MAP2K5: variants seen among roughly 807,000 people sequenced by gnomAD.
The protein encoded by MAP2K5 is mitogen-activated protein kinase kinase 5.
In MAP2K5, 49 loss-of-function variants were observed where a neutral mutation model predicts 83.1. That is an observed-to-expected ratio of 0.59 (90% CI 0.47 to 0.75). The LOEUF (loss-of-function observed/expected upper bound fraction) is 0.75. Ranked by LOEUF, MAP2K5 falls within the 30% of genes least tolerant of loss-of-function variation. MAP2K5 has a pLI of 0.00. For missense variants in MAP2K5, 457 were observed against 557.5 expected, an observed-to-expected ratio of 0.82 and a Z score of 1.82; for synonymous variants, 202 against 191.8, an observed-to-expected ratio of 1.05 and a Z score of -0.44.
At chr15:67,618,046 T>C (rs4508384) in intron 8 of MAP2K5, among the ~76,000 whole-genome samples, 149,137 of 152,322 alleles carry the variant, frequency 0.98, 73,097 homozygotes, top group Middle Eastern at 1. Context: ...TTCTTTGTAA[T>C]GATGTATCTT....
chr15:67,762,544 A>T (rs570169876), intron 19 of MAP2K5, among the ~76,000 whole-genome samples: 2 of 149,076 alleles, frequency 1.3e-5, no homozygotes, highest in Admixed American at 1.3e-4. Context: ...CTAAGTAAAT[A>T]TAAGTCTTTT....
At chr15:67,723,888 C>A (rs2089028207) in intron 16 of MAP2K5, among the ~76,000 whole-genome samples, 1 of 152,088 alleles carries the variant, frequency 6.6e-6, no homozygotes, top group Middle Eastern at 3.4e-3. Flanking sequence ...TTTCCTTTAA[C>A]TGTTAACCTA....
chr15:67,743,362 G>C (rs1286095975), intron 17 of MAP2K5, among the ~76,000 whole-genome samples: 1 of 152,212 alleles, frequency 6.6e-6, no homozygotes, highest in African/African-American at 2.4e-5. Flanking sequence ...ATAAGAACTT[G>C]AGCAAGGACA....
At chr15:67,596,062 A>T (rs546497542) in intron 7 of MAP2K5, among the ~76,000 whole-genome samples, 1 of 151,958 alleles carries the variant, frequency 6.6e-6, no homozygotes, top group South Asian at 2.1e-4. Flanking sequence ...ATCTACTCAG[A>T]TCAGATCTAG....
intron 9 of MAP2K5, chr15:67,641,647 A>C: frequency 7.1e-6 from 7 of 986,782 alleles, no homozygotes; most frequent in Non-Finnish European, 8.5e-6. Context: ...AGAGCAGTGG[A>C]AATGCACCAA....
At chr15:67,704,232 C>T (rs1423935857) in intron 16 of MAP2K5, among the ~76,000 whole-genome samples, 1 of 152,132 alleles carries the variant, frequency 6.6e-6, no homozygotes, top group Non-Finnish European at 1.5e-5. Flanking sequence ...TAAATTGATT[C>T]AGATAAAGAA....
chr15:67,601,675 T>C (rs1052998232), intron 8 of MAP2K5, among the ~76,000 whole-genome samples: 1 of 152,256 alleles, frequency 6.6e-6, no homozygotes, highest in African/African-American at 2.4e-5. Flanking sequence ...CTTAGAATTT[T>C]AAGTTCTGAC....
intron 7 of MAP2K5, among the ~76,000 whole-genome samples, chr15:67,594,542 T>C (rs1385515673): frequency 6.6e-6 from 1 of 152,178 alleles, no homozygotes; most frequent in Admixed American, 6.5e-5. Flanking sequence ...AACAGTTTTT[T>C]CCACTGCAAA....
chr15:67,781,799 T>C lies in MAP2K5; in HGVS notation c.1242+9047T>C, dbSNP rs375148824. Among the ~76,000 whole-genome samples, 119 of 152,358 alleles carry C rather than the reference T, an allele frequency of 7.8e-4. 1 individual carries two copies. The highest frequency in any genetic ancestry group is 6.8e-3 in the Middle Eastern group (2 of 294). On this transcript the variant is annotated intron_variant, in intron 21 of 21. Coordinates refer to ENST00000178640, the MANE Select transcript of MAP2K5 (RefSeq NM_145160.3). This position sits in a 1 kb window ranked among gnomAD's most constrained non-coding sequence, Gnocchi z 4.0. Reference sequence around the variant, plus strand: ...TTAGCTTCCTCAGAAGGCTTCTGAATGGCCTGCATCTCTTTCTAAATTTGA... The same window carrying C: ...TTAGCTTCCTCAGAAGGCTTCTGAACGGCCTGCATCTCTTTCTAAATTTGA...
chr15:67,592,948 C>T lies in MAP2K5; in HGVS notation c.454C>T (p.Leu152=). ...CAGCTTAAAGAAGTCTTCTGCTGAA[C>T]TGAAAAAAATACTAGCCAATGGCCA... ...SNSLKKSSAE[L]KKILANGQMN... The change falls in exon 7 of 22, where the codon CTG becomes TTG. Residue 152 remains leucine (L), a synonymous_variant. Transcript: ENST00000178640. 1 of 1,607,348 alleles carries T rather than the reference C, an allele frequency of 6.2e-7. No individual in the cohort carries two copies. Among genetic ancestry groups the T allele is most frequent in the Non-Finnish European group, 8.5e-7 (1 of 1,175,898 alleles).
chr15:67,603,586 A>G (rs2085711342), intron 8 of MAP2K5, among the ~76,000 whole-genome samples: 1 of 152,178 alleles, frequency 6.6e-6, no homozygotes, highest in South Asian at 2.1e-4. Flanking sequence ...AAGATACCAA[A>G]TTGCATAACC....
chr15:67,603,584 A>G (rs540454029), intron 8 of MAP2K5, among the ~76,000 whole-genome samples: 2 of 152,330 alleles, frequency 1.3e-5, no homozygotes, highest in Non-Finnish European at 2.9e-5. Context: ...TGAAGATACC[A>G]AATTGCATAA....
Position 67,572,599 on chromosome 15 carries a change from T to C in MAP2K5, c.253-8155T>C, listed in dbSNP as rs888777728. Among the ~76,000 whole-genome samples the C allele has an allele frequency of 6.6e-6, 1 of 152,144 alleles. No individual in the cohort carries two copies. The highest frequency in any genetic ancestry group is 2.4e-5 in the African/African-American group (1 of 41,418). On this transcript the variant is annotated intron_variant, in intron 3 of 21. Coordinates refer to ENST00000178640, the MANE Select transcript of MAP2K5 (RefSeq NM_145160.3). The surrounding 1 kb of genome is among the most constrained non-coding windows in gnomAD (Gnocchi z 4.2). The stretch of plus-strand genomic sequence containing the variant: ...CCTACGTATGATGTTTGTTTATGTA[T>C]AGGATAAAAAAGGATCATGGGGAGA...
At chr15:67,604,401 G>C (rs1259175338) in intron 8 of MAP2K5, among the ~76,000 whole-genome samples, 1 of 152,178 alleles carries the variant, frequency 6.6e-6, no homozygotes, top group Non-Finnish European at 1.5e-5. Context: ...ATTCAGGAAA[G>C]ACACATGTTC....
chr15:67,600,892 A>C, intron 8 of MAP2K5, 143 bp downstream of exon 8: 1 of 604,242 alleles, frequency 1.7e-6, no homozygotes. Flanking sequence ...CAAGACATCT[A>C]TTTTCTCAAG....
At position 67,637,267 on chromosome 15, in the gene MAP2K5, A is replaced by G. The variant is rs1446005094; in HGVS notation, c.585+6340A>G. 1.3e-5 allele frequency among the ~76,000 whole-genome samples: 2 copies of G among 152,100 alleles called. 1 individual carries two copies. The highest frequency in any genetic ancestry group is 4.1e-4 in the South Asian group (2 of 4,826). The stretch of plus-strand genomic sequence containing the variant: ...TTAATAAATTCCCCTTCATATATAC[A>G]TCTATCCTATTAGTTCTGTCCCTCT... On this transcript the variant is annotated intron_variant, in intron 9 of 21. Transcript: ENST00000178640. This position sits in a 1 kb window ranked among gnomAD's most constrained non-coding sequence, Gnocchi z 4.5.
Position 67,600,670 on chromosome 15 carries a change from T to G in MAP2K5, c.481-15T>G, listed in dbSNP as rs777859713. The stretch of plus-strand genomic sequence containing the variant: ...AGCATGACACCCTTTTTGTTTTTCT[T>G]TCTTTCTTGTGGAGATGAATGAACA... On this transcript the variant is annotated splice_polypyrimidine_tract_variant and intron_variant, in intron 7 of 21. Coordinates refer to ENST00000178640, the MANE Select transcript of MAP2K5 (RefSeq NM_145160.3). 2 of 1,606,084 alleles carry G rather than the reference T, an allele frequency of 1.2e-6. No individual in the cohort carries two copies. Among genetic ancestry groups the G allele is most frequent in the South Asian group, 1.1e-5 (1 of 89,714 alleles).
chr15:67,634,470 G>C (rs1401652999), intron 9 of MAP2K5, among the ~76,000 whole-genome samples: 8 of 146,040 alleles, frequency 5.5e-5, no homozygotes, highest in Non-Finnish European at 1.2e-4. Context: ...TTGGCTGATA[G>C]TGTTATTCAG....
At chr15:67,564,777 A>C (rs955933254) in intron 3 of MAP2K5, among the ~76,000 whole-genome samples, 1 of 152,180 alleles carries the variant, frequency 6.6e-6, no homozygotes, top group African/African-American at 2.4e-5. Context: ...TAGAAAACCC[A>C]CACACACAGA....
Sources: allele counts gnomAD v4.1 joint callset (sites outside exome capture counted in the v4.1 genomes callset), GRCh38; gene constraint gnomAD v4.1.1; non-coding constraint Gnocchi (gnomAD v3.1); transcripts MANE v1.5; gene names NCBI Gene and HGNC (gene_info 2026-07-23, HGNC 2026-07-21).